KCNIP4: variants seen among roughly 807,000 people sequenced by gnomAD.
KCNIP4 encodes Kv channel-interacting protein 4.
A neutral mutation model predicts 34.0 loss-of-function variants in KCNIP4; 12 were observed. The ratio of observed to expected loss-of-function variants is 0.35; its 90% CI spans 0.23 to 0.57. The LOEUF is 0.57. Ranked by LOEUF, KCNIP4 falls within the 20% of genes least tolerant of loss-of-function variation. The pLI is 0.83. For missense variants in KCNIP4, 238 were observed against 311.7 expected (o/e 0.76, Z 1.78); for synonymous variants, 124 against 102.2 (o/e 1.21, Z -1.29).
At chr4:21,422,615 C>T (rs1267558102) in intron 1 of KCNIP4, among the ~76,000 whole-genome samples, 1 of 151,736 alleles carries the variant, frequency 6.6e-6, no homozygotes, top group Non-Finnish European at 1.5e-5. Flanking sequence ...CAAGGATGGT[C>T]ACAACATTGA....
At chr4:21,425,698 A>C (rs1419309930) in intron 1 of KCNIP4, among the ~76,000 whole-genome samples, 1 of 152,194 alleles carries the variant, frequency 6.6e-6, no homozygotes, top group Admixed American at 6.6e-5. Context: ...TAAAATAAAA[A>C]AGAAACTCTT....
intron 1 of KCNIP4, among the ~76,000 whole-genome samples, chr4:21,100,900 T>C (rs560582844): frequency 7.7e-6 from 1 of 129,116 alleles, no homozygotes; most frequent in East Asian, 2.2e-4. Flanking sequence ...ATAGGTATGT[T>C]GTTTTGTATG....
intron 1 of KCNIP4, among the ~76,000 whole-genome samples, chr4:21,639,046 TG>T (rs1746422057): frequency 6.6e-6 from 1 of 152,176 alleles, no homozygotes; most frequent in African/African-American, 2.4e-5. Flanking sequence ...GCTGATTAAT[TG>T]GGTTTTAAAA....
chr4:20,992,577 C>G (rs1237560639), intron 1 of KCNIP4, among the ~76,000 whole-genome samples: 1 of 152,126 alleles, frequency 6.6e-6, no homozygotes, highest in Non-Finnish European at 1.5e-5. Context: ...TGTCTCCCTC[C>G]CTTTCTGCCT....
intron 1 of KCNIP4, among the ~76,000 whole-genome samples, chr4:21,260,648 T>C (rs968247106): frequency 4.6e-5 from 7 of 152,228 alleles, no homozygotes; most frequent in Admixed American, 2.0e-4. Context: ...ATGTCCATAG[T>C]AGACAGAGCT....
chr4:21,751,920 G>T (rs141987174), intron 1 of KCNIP4, among the ~76,000 whole-genome samples: 4 of 152,118 alleles, frequency 2.6e-5, no homozygotes, highest in Non-Finnish European at 5.9e-5. Flanking sequence ...CAAATAAAAA[G>T]GTAGCAAAAC....
intron 5 of KCNIP4, among the ~76,000 whole-genome samples, chr4:20,735,538 T>TG (rs1339271077): frequency 6.8e-6 from 1 of 146,952 alleles, no homozygotes; most frequent in Non-Finnish European, 1.5e-5. Flanking sequence ...TTGTTTTTTT[T>TG]TTTTTTTTTG....
At chr4:21,718,392 G>T (rs764745918) in intron 1 of KCNIP4, 1 of 151,762 alleles carries the variant, frequency 6.6e-6, no homozygotes, top group Non-Finnish European at 1.5e-5. Context: ...ATAAAATTTG[G>T]TAAACATTTT....
At chr4:21,353,302 G>A (rs926347889) in intron 1 of KCNIP4, among the ~76,000 whole-genome samples, 2 of 152,120 alleles carry the variant, frequency 1.3e-5, no homozygotes, top group African/African-American at 2.4e-5. Flanking sequence ...TGACTTTGAC[G>A]AATTGACAGA....
At chr4:21,538,316 C>T (rs1347946725) in intron 1 of KCNIP4, among the ~76,000 whole-genome samples, 2 of 152,086 alleles carry the variant, frequency 1.3e-5, no homozygotes, top group East Asian at 1.9e-4. Context: ...TTGTTATGGT[C>T]ACCCTAGGAA....
In KCNIP4 at chr4:21,621,409, T is replaced by C. The variant is rs538945569; in HGVS notation, c.61+327162A>G. On this transcript the variant is annotated intron_variant, in intron 1 of 8. Transcript: ENST00000382152. ...TAGGGTCTTGCTCTATCACCCAGGC[T>C]GGAGTGACGTGGTGTGAACATGCCT... Among the ~76,000 whole-genome samples, 11 of 152,306 alleles carry C rather than the reference T, an allele frequency of 7.2e-5. 1 individual carries two copies. The South Asian group carries it at 8.3e-4, about 11-fold the overall frequency.
At chr4:21,867,110 A>G (rs1725482481) in intron 1 of KCNIP4, among the ~76,000 whole-genome samples, 1 of 152,132 alleles carries the variant, frequency 6.6e-6, no homozygotes. Context: ...TTTAGTGTTA[A>G]TTTGTATCAG....
At chr4:21,540,316 C>A (rs145569535) in intron 1 of KCNIP4, among the ~76,000 whole-genome samples, 4 of 152,274 alleles carry the variant, frequency 2.6e-5, no homozygotes, top group East Asian at 3.9e-4. Flanking sequence ...TACGGTCACA[C>A]TGTCACCTGA....
chr4:21,916,917 C>G (rs7356396), intron 1 of KCNIP4, among the ~76,000 whole-genome samples: 38,505 of 151,964 alleles, frequency 0.25, 5,705 homozygotes, highest in East Asian at 0.61. Flanking sequence ...TTCTTACATC[C>G]TAAATTGTTC....
chr4:21,180,559 T>C (rs1457053681), intron 1 of KCNIP4, among the ~76,000 whole-genome samples: 1 of 151,882 alleles, frequency 6.6e-6, no homozygotes, highest in East Asian at 1.9e-4. Context: ...GCTTCAGTTT[T>C]TACAGATAGT....
chr4:21,805,360 G>A (rs1443571098), intron 1 of KCNIP4, among the ~76,000 whole-genome samples: 3 of 151,964 alleles, frequency 2.0e-5, no homozygotes, highest in Non-Finnish European at 2.9e-5. Context: ...TTGAATCATG[G>A]GGGCTGTTTC....
At chr4:21,476,742 C>T (rs1375154636) in intron 1 of KCNIP4, among the ~76,000 whole-genome samples, 3 of 152,158 alleles carry the variant, frequency 2.0e-5, no homozygotes, top group South Asian at 2.1e-4. Flanking sequence ...GTTAACCAGA[C>T]GCTGTGATAT....
chr4:21,630,922 T>C (rs1235831766), intron 1 of KCNIP4, among the ~76,000 whole-genome samples: 2 of 152,200 alleles, frequency 1.3e-5, no homozygotes, highest in Non-Finnish European at 2.9e-5. Flanking sequence ...CCATGTTGTG[T>C]CTTGAACACC....
intron 1 of KCNIP4, among the ~76,000 whole-genome samples, chr4:21,323,483 T>C (rs564896590): frequency 7.1e-4 from 108 of 152,184 alleles, no homozygotes; most frequent in African/African-American, 2.6e-3. Context: ...GTTTTAATTT[T>C]TAACTCCCAC....
Sources: allele counts gnomAD v4.1 joint callset (sites outside exome capture counted in the v4.1 genomes callset), GRCh38; gene constraint gnomAD v4.1.1; transcripts MANE v1.5; gene names NCBI Gene and HGNC (gene_info 2026-07-23, HGNC 2026-07-21).